Variants in KLRG1 observed in about 807,000 individuals in gnomAD.
The protein encoded by KLRG1 is killer cell lectin like receptor G1, also known as killer cell lectin-like receptor subfamily G member 1.
Under a neutral mutation model 21.8 loss-of-function variants are expected in KLRG1, and 16 were observed. That is an observed-to-expected ratio of 0.73 (90% confidence interval 0.50 to 1.11). The LOEUF is 1.11. KLRG1 is among the 50% of genes most tolerant of loss of function. The pLI is 0.00. For missense variants in KLRG1, 173 were observed against 218.3 expected (o/e 0.79, Z 1.31); for synonymous variants, 69 against 75.9 (o/e 0.91, Z 0.47).
chr12:8,989,312 C>G (rs940965284), upstream of KLRG1, among the ~76,000 whole-genome samples: 1 of 152,190 alleles, frequency 6.6e-6, no homozygotes, highest in Admixed American at 6.5e-5. Flanking sequence ...TAACCACTCT[C>G]ACTTTTATTT....
the KLRG1 span, chr12:9,068,852 A>G: frequency 1.9e-6 from 3 of 1,571,964 alleles, no homozygotes; most frequent in Non-Finnish European, 2.6e-6. Context: ...CCTGGAAAGC[A>G]AAAGTCAATT....
intron 1 of KLRG1, among the ~76,000 whole-genome samples, chr12:8,974,240 T>G (rs1241377945): frequency 6.6e-6 from 1 of 151,848 alleles, no homozygotes; most frequent in Non-Finnish European, 1.5e-5. Context: ...CGATCTCGGC[T>G]CACTGCAAGC....
At chr12:9,209,622 C>A in the KLRG1 span, among the ~76,000 whole-genome samples, 2 of 151,868 alleles carry the variant, frequency 1.3e-5, no homozygotes, top group African/African-American at 4.8e-5. Context: ...CCAGATCCAC[C>A]AACCCAAAAA....
the KLRG1 span, chr12:9,074,920 T>G: frequency 1.0e-6 from 1 of 969,166 alleles, no homozygotes; most frequent in Admixed American, 2.8e-5. Flanking sequence ...TGCTTTTCCC[T>G]TCATGTAAAT....
chr12:9,083,284 A>T, the KLRG1 span, among the ~76,000 whole-genome samples: 1 of 152,120 alleles, frequency 6.6e-6, no homozygotes, highest in Non-Finnish European at 1.5e-5. Flanking sequence ...AGATATAGCT[A>T]ATGTAAATGA....
chr12:9,196,670 A>G, the KLRG1 span: 1 of 1,610,608 alleles, frequency 6.2e-7, no homozygotes. Flanking sequence ...TGGGTGATGC[A>G]GCCATTGCTG....
the KLRG1 span, chr12:9,203,929 A>G: frequency 6.2e-7 from 1 of 1,613,878 alleles, no homozygotes; most frequent in Non-Finnish European, 8.5e-7. Context: ...TGGAGCAGGG[A>G]GGGGACCAGC....
At chr12:9,093,505 A>G in the KLRG1 span, 7 of 1,613,988 alleles carry the variant, frequency 4.3e-6, no homozygotes, top group South Asian at 6.6e-5. Flanking sequence ...TCAGGGAAGT[A>G]CTTTCGTACG....
intron 3 of KLRG1, among the ~76,000 whole-genome samples, chr12:8,997,520 A>T (rs781469113): frequency 5.3e-5 from 8 of 152,322 alleles, no homozygotes; most frequent in Admixed American, 2.0e-4. Context: ...TAAAAAAGAG[A>T]GCTCTATGGA....
At chr12:9,097,065 A>G in the KLRG1 span, among the ~76,000 whole-genome samples, 1 of 152,212 alleles carries the variant, frequency 6.6e-6, no homozygotes, top group Non-Finnish European at 1.5e-5. Flanking sequence ...TTATTAATAA[A>G]TAGGACTGTC....
At chr12:9,178,664 C>T in the KLRG1 span, among the ~76,000 whole-genome samples, 1 of 152,182 alleles carries the variant, frequency 6.6e-6, no homozygotes, top group Non-Finnish European at 1.5e-5. Context: ...ATTATGGCTA[C>T]AGCACGCGAT....
At chr12:8,994,730 C>T (rs946378384) in intron 2 of KLRG1, among the ~76,000 whole-genome samples, 3 of 152,146 alleles carry the variant, frequency 2.0e-5, no homozygotes, top group African/African-American at 7.2e-5. Context: ...ATACACAGAG[C>T]AAAGACAGTA....
At chr12:8,990,189 G>GT (rs1046462547) in intron 1 of KLRG1, 304 of 66,120 alleles carry the variant, frequency 4.6e-3, no homozygotes, top group Middle Eastern at 9.1e-3. Flanking sequence ...ATCTAGTTTT[G>GT]TTTTTTTTTT....
At chr12:9,103,862 G>A in the KLRG1 span, among the ~76,000 whole-genome samples, 6 of 152,204 alleles carry the variant, frequency 3.9e-5, no homozygotes, top group East Asian at 7.7e-4. Flanking sequence ...TGAATAGTGC[G>A]GCTATGAACA....
chr12:9,061,135 A>G, the KLRG1 span, among the ~76,000 whole-genome samples: 4 of 152,020 alleles, frequency 2.6e-5, no homozygotes, highest in Non-Finnish European at 5.9e-5. Context: ...TTTTTATGAG[A>G]TAGGATCTCA....
chr12:9,183,738 C>G, the KLRG1 span, among the ~76,000 whole-genome samples: 3 of 152,148 alleles, frequency 2.0e-5, no homozygotes, highest in African/African-American at 7.2e-5. Context: ...ATTGGTGGCA[C>G]TCAATTAAAA....
the KLRG1 span, chr12:9,091,325 G>T: frequency 6.2e-7 from 1 of 1,614,194 alleles, no homozygotes; most frequent in South Asian, 1.1e-5. Flanking sequence ...AGAGGCAGTG[G>T]AAGAGATACC....
At chr12:9,146,492 A>C in the KLRG1 span, among the ~76,000 whole-genome samples, 1 of 152,008 alleles carries the variant, frequency 6.6e-6, no homozygotes, top group Non-Finnish European at 1.5e-5. Context: ...ACATAATTCC[A>C]TTTCATTAGT....
the KLRG1 span, among the ~76,000 whole-genome samples, chr12:9,141,218 G>A: frequency 1.6e-4 from 24 of 152,150 alleles, no homozygotes; most frequent in Middle Eastern, 3.4e-3. Flanking sequence ...TTATAACTTT[G>A]GAACACATAC....
Sources: gnomAD v4.1 joint callset for allele counts (sites outside exome capture counted in the v4.1 genomes callset) on GRCh38, gnomAD v4.1.1 for gene constraint, MANE v1.5 for transcripts, NCBI Gene and HGNC (gene_info 2026-07-23, HGNC 2026-07-21) for gene names.